Variants in PATJ observed in about 807,000 individuals in gnomAD.
The protein encoded by PATJ is PATJ crumbs cell polarity complex component.
A neutral mutation model predicts 224.9 loss-of-function variants in PATJ; 190 were observed. The observed-to-expected ratio is 0.84, with a 90% CI of 0.75 to 0.95. PATJ has a LOEUF of 0.95. PATJ is among the 40% of genes least tolerant of loss of function. The probability of loss-of-function intolerance (pLI) is 0.00; values close to 1 mark genes in which losing one functional copy is unlikely to be tolerated. For synonymous variants in PATJ, 769 were observed against 820.3 expected, an observed-to-expected ratio of 0.94 and a Z score of 1.07; for missense variants, 2,121 against 2,270.3, an observed-to-expected ratio of 0.93 and a Z score of 1.34.
intron 32 of PATJ, among the ~76,000 whole-genome samples, chr1:62,082,971 T>G (rs1187313703): frequency 6.6e-6 from 1 of 152,214 alleles, no homozygotes; most frequent in Non-Finnish European, 1.5e-5. Context: ...TATCATAATG[T>G]AAGAAACAAT....
rs761235579 is a variant in PATJ, at chr1:61,771,626, A to G, written c.720A>G (p.Thr240=). The part of the protein sequence containing the change: ...SSLNDTTLPE[T]VCWGHVEEVE... The stretch of plus-strand genomic sequence containing the variant: ...TAAATGATACAACTCTGCCTGAAAC[A>G]GTGAGTTGCAAATTTGAAAAAATAC... Residue 240 remains threonine (T), a splice_region_variant and synonymous_variant, in exon 6 of 44, where the codon ACA becomes ACG. Transcript: ENST00000642238. The G allele has an allele frequency of 4.5e-6, 7 of 1,563,776 alleles. No homozygotes were observed. Among genetic ancestry groups the G allele is most frequent in the African/African-American group, 1.4e-5 (1 of 71,808 alleles).
rs1267065872 is a variant in PATJ at position 61,839,909 on chromosome 1, A to G, written c.2112+6124A>G. 3.9e-5 allele frequency among the ~76,000 whole-genome samples: 6 copies of G among 152,074 alleles called. No individual in the cohort carries two copies. In the South Asian group the frequency reaches 1.0e-3, roughly 26 times the overall value. On this transcript the variant is annotated intron_variant, in intron 17 of 43. Transcript: ENST00000642238. ...AGATAAAAATAGAAATCATAATAAC[A>G]TAGCCATTGGGAGGTGATTCATATG...
At chr1:62,136,477 T>TTGTG (rs111398189) in intron 41 of PATJ, among the ~76,000 whole-genome samples, 6,183 of 149,136 alleles carry the variant, frequency 0.041, 222 homozygotes, top group African/African-American at 0.095. Context: ...TGGGCTTTTC[T>TTGTG]TGTGTGTGTG....
intron 25 of PATJ, among the ~76,000 whole-genome samples, chr1:61,912,061 C>T (rs1188226829): frequency 6.6e-6 from 1 of 150,950 alleles, no homozygotes; most frequent in African/African-American, 2.4e-5. Flanking sequence ...TTATGTTTAT[C>T]ATCACGTGTT....
chr1:61,795,449 A>G lies in PATJ; in HGVS notation c.1169-18A>G. 6.8e-7 allele frequency: 1 copy of G among 1,473,930 alleles called. No homozygotes were observed. The highest frequency in any genetic ancestry group is 9.3e-7 in the Non-Finnish European group (1 of 1,079,706). The allele number at this position is 1,473,930 out of a possible 1,614,324, so 91.3% of individuals were successfully genotyped here. Reference sequence around the variant, plus strand: ...ATTAGAATTTTCTTCCTTTTTCCGTATGTCTGTGCACCTTAAGGGGAAGCT... The same window carrying G: ...ATTAGAATTTTCTTCCTTTTTCCGTGTGTCTGTGCACCTTAAGGGGAAGCT... On this transcript the variant is annotated intron_variant, in intron 9 of 43. Coordinates refer to ENST00000642238, the MANE Select transcript of PATJ (RefSeq NM_001350145.3).
chr1:62,129,715 C>T (rs1367482155), intron 41 of PATJ, among the ~76,000 whole-genome samples: 1 of 151,916 alleles, frequency 6.6e-6, no homozygotes, highest in African/African-American at 2.4e-5. Flanking sequence ...CTGAGGTGGG[C>T]GGATCACCTG....
At chr1:62,114,362 T>C in intron 35 of PATJ, 116 bp downstream of exon 35, 1 of 975,782 alleles carries the variant, frequency 1.0e-6, no homozygotes. Flanking sequence ...AAAAATAAGA[T>C]ATTTATGAAA....
At chr1:61,968,796 G>A (rs1470152875) in intron 27 of PATJ, among the ~76,000 whole-genome samples, 1 of 151,924 alleles carries the variant, frequency 6.6e-6, no homozygotes, top group East Asian at 1.9e-4. Context: ...ACCTATGAGT[G>A]AGAACATGCA....
chr1:61,988,361 GTTAAC>G (rs1644878932), intron 27 of PATJ, among the ~76,000 whole-genome samples: 1 of 152,134 alleles, frequency 6.6e-6, no homozygotes, highest in Non-Finnish European at 1.5e-5. Flanking sequence ...TATTTGTTGT[GTTAAC>G]TTTATTTCTC....
intron 31 of PATJ, among the ~76,000 whole-genome samples, chr1:62,056,255 A>G (rs150524770): frequency 6.6e-6 from 1 of 152,234 alleles, no homozygotes; most frequent in Admixed American, 6.5e-5. Context: ...GTTCACCATC[A>G]TAGTTAATAT....
chr1:61,787,258 C>G (rs1356787292), intron 7 of PATJ, among the ~76,000 whole-genome samples: 2 of 152,220 alleles, frequency 1.3e-5, no homozygotes, highest in Admixed American at 1.3e-4. Context: ...AGAAGATGCC[C>G]TATACTGTCT....
At chr1:61,927,863 G>A in intron 27 of PATJ, 34 bp downstream of exon 27, 1 of 1,379,240 alleles carries the variant, frequency 7.3e-7, no homozygotes, top group Non-Finnish European at 1.0e-6. Context: ...GGTAGATGCA[G>A]AACTTATTAA....
chr1:62,048,898 A>T (rs1653063333), intron 30 of PATJ, among the ~76,000 whole-genome samples: 1 of 152,148 alleles, frequency 6.6e-6, no homozygotes, highest in Non-Finnish European at 1.5e-5. Context: ...TGGTAAGTAT[A>T]ATTCAAACAT....
At chr1:61,957,561 C>A (rs1185767294) in intron 27 of PATJ, among the ~76,000 whole-genome samples, 1 of 151,962 alleles carries the variant, frequency 6.6e-6, no homozygotes, top group Non-Finnish European at 1.5e-5. Flanking sequence ...TGCATTGCAC[C>A]ATGTTCAGGG....
intron 37 of PATJ, among the ~76,000 whole-genome samples, chr1:62,120,650 A>T (rs1161371266): frequency 1.3e-5 from 2 of 152,198 alleles, no homozygotes; most frequent in African/African-American, 4.8e-5. Flanking sequence ...TGAGAAAAAA[A>T]TGTTATATAT....
At chr1:61,909,690 T>C (rs1486228376) in intron 25 of PATJ, among the ~76,000 whole-genome samples, 1 of 152,200 alleles carries the variant, frequency 6.6e-6, no homozygotes, top group Non-Finnish European at 1.5e-5. Context: ...GGCTTACATA[T>C]GCACTTCTAA....
intron 41 of PATJ, among the ~76,000 whole-genome samples, chr1:62,131,558 G>C (rs538522968): frequency 8.8e-4 from 134 of 152,174 alleles, no homozygotes; most frequent in Middle Eastern, 6.8e-3. Flanking sequence ...TAAGGCAGGA[G>C]AATTGCTTGA....
chr1:61,850,157 T>C (rs1016064186), intron 17 of PATJ, among the ~76,000 whole-genome samples: 5 of 152,212 alleles, frequency 3.3e-5, no homozygotes, highest in African/African-American at 1.2e-4. Flanking sequence ...CGAGTTGATG[T>C]CTCTGTCTGT....
intron 17 of PATJ, among the ~76,000 whole-genome samples, chr1:61,851,500 G>A (rs1440477314): frequency 2.0e-5 from 3 of 152,126 alleles, no homozygotes; most frequent in Admixed American, 6.5e-5. Flanking sequence ...TTGGGCAAAC[G>A]GGAGCAGGCA....
Sources: allele counts gnomAD v4.1 joint callset (sites outside exome capture counted in the v4.1 genomes callset), GRCh38; gene constraint gnomAD v4.1.1; transcripts MANE v1.5; gene names NCBI Gene and HGNC (gene_info 2026-07-23, HGNC 2026-07-21).